CNKSR3: variants seen among roughly 807,000 people sequenced by gnomAD.
The protein encoded by CNKSR3 is CNKSR family member 3.
In CNKSR3, 36 loss-of-function variants were observed where a neutral mutation model predicts 67.7. That is an observed-to-expected ratio of 0.53 (90% CI 0.41 to 0.70). The LOEUF (loss-of-function observed/expected upper bound fraction) is 0.70. Ranked by LOEUF, CNKSR3 falls within the 30% of genes least tolerant of loss-of-function variation. CNKSR3 has a pLI of 0.00. For missense variants in CNKSR3, 630 were observed against 695.2 expected, an observed-to-expected ratio of 0.91 and a Z score of 1.05; for synonymous variants, 281 against 271.4, an observed-to-expected ratio of 1.04 and a Z score of -0.35.
chr6:154,415,228 A>ATTTTTTTTTTTTTTTTTTTTT lies in CNKSR3; in HGVS notation c.946-806_946-805insAAAAAAAAAAAAAAAAAAAAA, dbSNP rs35873703. Among the ~76,000 whole-genome samples, 316 of 118,030 alleles carry ATTTTTTTTTTTTTTTTTTTTT rather than the reference A, an allele frequency of 2.7e-3. 16 individuals carry two copies. Among genetic ancestry groups the ATTTTTTTTTTTTTTTTTTTTT allele is most frequent in the African/African-American group, 4.5e-3 (136 of 30,238 alleles). 77.4% of individuals were successfully genotyped at this position (118,030 alleles called of 152,430 possible). A position where few individuals can be genotyped will look rare whatever the true frequency, so the allele number is the denominator to read the frequency against. On this transcript the variant is annotated intron_variant, in intron 9 of 12. Transcript: ENST00000607772. ...TCCTGGCTAGACTTACTAGCTGCCC[A>ATTTTTTTTTTTTTTTTTTTTT]TTTTTTTTTTTTTTTTTTTTAAGAT...
chr6:154,484,138 C>T (rs1268380457), intron 1 of CNKSR3, among the ~76,000 whole-genome samples: 2 of 152,118 alleles, frequency 1.3e-5, no homozygotes, highest in African/African-American at 4.8e-5. Context: ...TCATTAACGA[C>T]AAAATAACTT....
chr6:154,446,972 T>A (rs1055116814), intron 2 of CNKSR3, among the ~76,000 whole-genome samples: 7 of 151,972 alleles, frequency 4.6e-5, no homozygotes, highest in Non-Finnish European at 1.0e-4. Flanking sequence ...ACCCAGCTAA[T>A]TTTTTGTATT....
intron 1 of CNKSR3, among the ~76,000 whole-genome samples, chr6:154,486,942 A>G (rs1272597335): frequency 6.6e-6 from 1 of 151,944 alleles, no homozygotes; most frequent in East Asian, 1.9e-4. Context: ...AAGTGTTGGG[A>G]TTACAGGCAT....
Position 154,444,885 on chromosome 6 carries a change from A to G in CNKSR3, c.217-2595T>C, listed in dbSNP as rs560675595. Among the ~76,000 whole-genome samples, 15 of 152,296 alleles carry G rather than the reference A, an allele frequency of 9.8e-5. 1 individual carries two copies. The South Asian group carries it at 2.3e-3, about 23-fold the overall frequency. ...CTCCCAAAGTGCTGGGATTACAGGC[A>G]TGAACCACTGCACCCGGCTGTGGAG... On this transcript the variant is annotated intron_variant, in intron 2 of 12. Coordinates refer to ENST00000607772, the MANE Select transcript of CNKSR3 (RefSeq NM_173515.4).
intron 1 of CNKSR3, among the ~76,000 whole-genome samples, chr6:154,475,784 G>A (rs1215623481): frequency 6.6e-6 from 1 of 152,196 alleles, no homozygotes; most frequent in African/African-American, 2.4e-5. Context: ...TAGAATGTAA[G>A]TTTCTAGAAA....
intron 8 of CNKSR3, 117 bp from the exon 9 acceptor site, chr6:154,422,769 G>A: frequency 1.7e-6 from 2 of 1,208,592 alleles, no homozygotes; most frequent in Non-Finnish European, 2.4e-6. Flanking sequence ...AACAAAATAG[G>A]CAGGCGTAAG....
intron 1 of CNKSR3, among the ~76,000 whole-genome samples, chr6:154,477,233 A>G (rs906437518): frequency 1.2e-4 from 18 of 152,128 alleles, no homozygotes; most frequent in Admixed American, 1.2e-3. Context: ...TTATAACATC[A>G]TGGCTTTTAT....
chr6:154,435,123 G>A (rs1785445542), intron 4 of CNKSR3, among the ~76,000 whole-genome samples: 1 of 150,980 alleles, frequency 6.6e-6, no homozygotes, highest in Non-Finnish European at 1.5e-5. Flanking sequence ...AGCCTCCCAA[G>A]CAACTGGGAC....
chr6:154,418,003 CCA>C (rs1785056670), intron 9 of CNKSR3, among the ~76,000 whole-genome samples: 1 of 152,220 alleles, frequency 6.6e-6, no homozygotes, highest in Non-Finnish European at 1.5e-5. Context: ...ACCCTCAGCT[CCA>C]CAGAGTCTGA....
At chr6:154,490,566 C>T (rs1786766772) in intron 1 of CNKSR3, among the ~76,000 whole-genome samples, 1 of 152,208 alleles carries the variant, frequency 6.6e-6, no homozygotes, top group Admixed American at 6.5e-5. Flanking sequence ...CACACAGTTC[C>T]TCCACAAAGG....
chr6:154,435,541 G>A lies in CNKSR3; in HGVS notation c.508-2034C>T, dbSNP rs553082749. Among the ~76,000 whole-genome samples the A allele has an allele frequency of 4.1e-4, 62 of 152,278 alleles. 1 individual carries two copies. Among genetic ancestry groups the A allele is most frequent in the African/African-American group, 1.4e-3 (57 of 41,562 alleles). On this transcript the variant is annotated intron_variant, in intron 4 of 12. Coordinates refer to ENST00000607772, the MANE Select transcript of CNKSR3 (RefSeq NM_173515.4). ...CGCCTCCCAAATTGTTCCAGTTGGC[G>A]TGTGAAAGGACTCCCTCTCACCTCC...
chr6:154,510,217 C>T lies in CNKSR3; in HGVS notation c.-103G>A. 1.4e-6 allele frequency: 2 copies of T among 1,391,216 alleles called. No individual in the cohort carries two copies. Among genetic ancestry groups the T allele is most frequent in the Non-Finnish European group, 2.0e-6 (2 of 989,174 alleles). The allele number at this position is 1,391,216 out of a possible 1,614,324, so 86.2% of individuals were successfully genotyped here. On this transcript the variant is annotated 5_prime_UTR_variant, in exon 1 of 13. Coordinates refer to ENST00000607772, the MANE Select transcript of CNKSR3 (RefSeq NM_173515.4). ...GGGAGGGCGCGCCCGCGGCTGCTCC[C>T]CTGCGCCCGAGCGACTCCGTCAAGA... is the stretch of plus-strand genomic sequence containing the variant.
At chr6:154,431,680 A>T (rs1401637801) in intron 5 of CNKSR3, among the ~76,000 whole-genome samples, 1 of 151,236 alleles carries the variant, frequency 6.6e-6, no homozygotes, top group Non-Finnish European at 1.5e-5. Flanking sequence ...CTCACCATGA[A>T]CCCCTGGCAA....
intron 11 of CNKSR3, 49 bp downstream of exon 11, chr6:154,410,882 GGGA>G (rs1290443658): frequency 1.9e-5 from 27 of 1,415,544 alleles, no homozygotes; most frequent in Non-Finnish European, 2.6e-5. Context: ...GCAGGGGGCG[GGGA>G]GGAGAAGTCA....
intron 1 of CNKSR3, among the ~76,000 whole-genome samples, chr6:154,464,015 T>C (rs1317399747): frequency 6.6e-6 from 1 of 152,308 alleles, no homozygotes; most frequent in Admixed American, 6.5e-5. Flanking sequence ...TTGGCACTAT[T>C]TGTGTACAGT....
At chr6:154,485,347 T>C (rs1295235689) in intron 1 of CNKSR3, among the ~76,000 whole-genome samples, 1 of 152,230 alleles carries the variant, frequency 6.6e-6, no homozygotes, top group Non-Finnish European at 1.5e-5. Context: ...AAGGGGCTTC[T>C]TTGGCGCATA....
rs989448861 is a variant in CNKSR3, at chr6:154,406,606, C to T, written c.1416G>A (p.Pro472=). The change falls in exon 13 of 13, where the codon CCG becomes CCA. Residue 472 remains proline, a synonymous_variant. Coordinates refer to ENST00000607772, the MANE Select transcript of CNKSR3 (RefSeq NM_173515.4). The stretch of plus-strand genomic sequence containing the variant: ...GGGGAGAGGAGCTCTCTTCAATGAT[C>T]GGAGGAATCCGCTCGTTACTGAAAT... The part of the protein sequence containing the change: ...CRYFSNERIP[P]IIEESSSPPY... 1.9e-6 allele frequency: 3 copies of T among 1,614,094 alleles called. No individual in the cohort carries two copies. The highest frequency in any genetic ancestry group is 1.7e-5 in the Admixed American group (1 of 60,018).
Position 154,463,094 on chromosome 6 carries a change from CTTTTTCTT to C in CNKSR3, c.53-12844_53-12837del, listed in dbSNP as rs1175974610. ...ACCTGTCTGACCCTCATCTTCTCACCTTTTTCTTTTTTTCTTTCCTTTTTTTTTTTTTT... is the reference window on the plus strand; with the variant it reads ...ACCTGTCTGACCCTCATCTTCTCACCTTTTTCTTTCCTTTTTTTTTTTTTT... On this transcript the variant is annotated intron_variant, in intron 1 of 12. Transcript: ENST00000607772. 3.0e-4 allele frequency among the ~76,000 whole-genome samples: 46 copies of C among 151,560 alleles called. No homozygotes were observed. In the East Asian group the frequency reaches 3.9e-3, roughly 13 times the overall value.
At chr6:154,435,950 C>T (rs1785462598) in intron 4 of CNKSR3, among the ~76,000 whole-genome samples, 1 of 151,976 alleles carries the variant, frequency 6.6e-6, no homozygotes, top group Admixed American at 6.6e-5. Context: ...TGAATGCACA[C>T]CTGCTGAGAA....
Sources: gnomAD v4.1 joint callset for allele counts (sites outside exome capture counted in the v4.1 genomes callset) on GRCh38, gnomAD v4.1.1 for gene constraint, MANE v1.5 for transcripts, NCBI Gene and HGNC (gene_info 2026-07-23, HGNC 2026-07-21) for gene names.